The following ITPR2 variants were observed in gnomAD, a reference collection of about 807,000 sequenced individuals.
ITPR2 encodes the protein inositol 1,4,5-trisphosphate-gated calcium channel ITPR2.
ITPR2 carries 207 observed loss-of-function variants against 317.1 expected under a neutral mutation model. The ratio of observed to expected loss-of-function variants is 0.65; its 90% CI spans 0.58 to 0.73. The LOEUF is 0.73. Among genes scored for constraint, ITPR2 ranks in the 30% least tolerant of loss-of-function variants. The pLI is 0.00. For synonymous variants in ITPR2, 1,156 were observed against 1,149.1 expected, an observed-to-expected ratio of 1.01 and a Z score of -0.12; for missense variants, 2,613 against 3,284.0, an observed-to-expected ratio of 0.80 and a Z score of 4.99.
chr12:26,507,364 C>A (rs1445981654), intron 37 of ITPR2, among the ~76,000 whole-genome samples: 2 of 151,774 alleles, frequency 1.3e-5, no homozygotes, highest in Admixed American at 1.3e-4. Context: ...TAGAAAGGGT[C>A]TTTTTAAGAA....
intron 43 of ITPR2, among the ~76,000 whole-genome samples, chr12:26,477,550 C>T (rs189795050): frequency 1.1e-4 from 16 of 152,146 alleles, no homozygotes; most frequent in East Asian, 3.9e-4. Flanking sequence ...TTATTGATAA[C>T]GGCTTCCTAG....
At chr12:26,824,300 A>T (rs1950981394) in intron 1 of ITPR2, among the ~76,000 whole-genome samples, 1 of 152,340 alleles carries the variant, frequency 6.6e-6, no homozygotes, top group Non-Finnish European at 1.5e-5. Context: ...CTTTTGCACC[A>T]TCATCAAGTT....
chr12:26,420,632 A>G (rs969322681), intron 49 of ITPR2, among the ~76,000 whole-genome samples: 3 of 152,164 alleles, frequency 2.0e-5, no homozygotes, highest in Non-Finnish European at 2.9e-5. Flanking sequence ...AATCAATGTT[A>G]TCACTTCATT....
intron 52 of ITPR2, among the ~76,000 whole-genome samples, chr12:26,401,164 G>A (rs553941174): frequency 5.3e-5 from 8 of 152,158 alleles, no homozygotes; most frequent in South Asian, 2.1e-4. Flanking sequence ...AGGAGGTAGA[G>A]ATTGCAGTGA....
In ITPR2 at chr12:26,411,307, C is replaced by A; in HGVS notation, c.7399+13G>T. ...TATCAAGTTCATACTGACCCAGAGT[C>A]CTTTCTACAAACCTGTATTTGAAGC... On this transcript the variant is annotated intron_variant, in intron 52 of 56. Transcript: ENST00000381340. The A allele has an allele frequency of 6.3e-7, 1 of 1,583,094 alleles. No individual in the cohort carries two copies.
chr12:26,541,816 ACAATATTTTTTCCTGCT>A (rs1290799578), intron 37 of ITPR2, among the ~76,000 whole-genome samples: 1 of 152,196 alleles, frequency 6.6e-6, no homozygotes, highest in African/African-American at 2.4e-5. Flanking sequence ...AAGATTAGTT[ACAATATTTTTTCCTGCT>A]GAGGATAAGA....
At chr12:26,464,945 T>C (rs1224266302) in intron 45 of ITPR2, among the ~76,000 whole-genome samples, 1 of 152,152 alleles carries the variant, frequency 6.6e-6, no homozygotes, top group African/African-American at 2.4e-5. Context: ...AAGTGTGAGA[T>C]GCCTAAAAAG....
At chr12:26,456,121 C>T (rs1941879746) in intron 45 of ITPR2, among the ~76,000 whole-genome samples, 1 of 152,134 alleles carries the variant, frequency 6.6e-6, no homozygotes, top group African/African-American at 2.4e-5. Flanking sequence ...TACTGGGCTA[C>T]ATTCCCAGGA....
At chr12:26,673,010 T>G (rs1555175096) in intron 13 of ITPR2, among the ~76,000 whole-genome samples, 2 of 151,800 alleles carry the variant, frequency 1.3e-5, no homozygotes, top group Non-Finnish European at 2.9e-5. Context: ...GAAGAAGCTC[T>G]GAATAGACCA....
intron 34 of ITPR2, among the ~76,000 whole-genome samples, chr12:26,578,307 C>G (rs1945321460): frequency 6.6e-6 from 1 of 151,972 alleles, no homozygotes; most frequent in Admixed American, 6.6e-5. Context: ...ATTTCTGAAG[C>G]CTTGAATATT....
At chr12:26,377,803 C>T (rs1267431309) in intron 55 of ITPR2, among the ~76,000 whole-genome samples, 2 of 152,200 alleles carry the variant, frequency 1.3e-5, no homozygotes, top group African/African-American at 2.4e-5. Flanking sequence ...TAAGATAACA[C>T]GCAAAGTTGC....
At chr12:26,499,036 A>T (rs1943011768) in intron 37 of ITPR2, among the ~76,000 whole-genome samples, 2 of 152,192 alleles carry the variant, frequency 1.3e-5, no homozygotes, top group African/African-American at 4.8e-5. Flanking sequence ...CACTGCTACA[A>T]GAACCCAACC....
chr12:26,385,817 CT>C (rs1408413321), intron 55 of ITPR2, among the ~76,000 whole-genome samples: 1 of 152,002 alleles, frequency 6.6e-6, no homozygotes, highest in African/African-American at 2.4e-5. Context: ...CCATCAATTC[CT>C]TTCACCTGCT....
At chr12:26,757,479 G>T (rs1025529491) in intron 2 of ITPR2, among the ~76,000 whole-genome samples, 2 of 152,138 alleles carry the variant, frequency 1.3e-5, no homozygotes, top group African/African-American at 4.8e-5. Context: ...GCCTCCCAAA[G>T]TGCTAGGATT....
chr12:26,503,190 AACACACAC>A (rs57271500), intron 37 of ITPR2, among the ~76,000 whole-genome samples: 3 of 139,212 alleles, frequency 2.2e-5, no homozygotes, highest in Middle Eastern at 3.5e-3. Flanking sequence ...GCCCCCCACC[AACACACAC>A]ACACACACAC....
At chr12:26,757,246 C>T (rs1306723289) in intron 2 of ITPR2, among the ~76,000 whole-genome samples, 1 of 149,108 alleles carries the variant, frequency 6.7e-6, no homozygotes, top group Non-Finnish European at 1.5e-5. Context: ...GATGGAGTCT[C>T]ACTCTGTCAC....
intron 52 of ITPR2, among the ~76,000 whole-genome samples, chr12:26,408,919 G>C (rs977689668): frequency 1.2e-4 from 18 of 151,964 alleles, no homozygotes; most frequent in African/African-American, 4.1e-4. Context: ...CTGTTAAGGG[G>C]GGAAATGTTG....
rs1942537233 is a variant in ITPR2, at chr12:26,481,139, G to A, written c.6115C>T (p.Gln2039Ter). 6.3e-7 allele frequency: 1 copy of A among 1,598,892 alleles called. No homozygotes were observed. The highest frequency in any genetic ancestry group is 8.6e-7 in the Non-Finnish European group (1 of 1,166,230). The stretch of plus-strand genomic sequence containing the variant: ...CAGTGGAATCGCTCTACCTTTAGCT[G>A]GAGCACCAGGTCCATTCGGTATTTA... ...LGKYRMDLVL[Q>*]LKNNASKLLL... The change falls in exon 43 of 57, where the codon CAG becomes TAG. Residue 2039 changes from glutamine to a stop codon, truncating the protein, a stop_gained. Transcript: ENST00000381340. LOFTEE classifies it high-confidence loss of function.
chr12:26,381,286 A>G (rs561322144), intron 55 of ITPR2, among the ~76,000 whole-genome samples: 240 of 152,368 alleles, frequency 1.6e-3, no homozygotes, highest in African/African-American at 5.4e-3. Flanking sequence ...AATGTCTCAC[A>G]TCTATCTTGG....
Sources: gnomAD v4.1 joint callset for allele counts (sites outside exome capture counted in the v4.1 genomes callset) on GRCh38, gnomAD v4.1.1 for gene constraint, MANE v1.5 for transcripts, NCBI Gene and HGNC (gene_info 2026-07-23, HGNC 2026-07-21) for gene names.